The following TMED2 variants were observed in gnomAD, a reference collection of about 807,000 sequenced individuals.
The protein encoded by TMED2 is transmembrane p24 trafficking protein 2, also known as transmembrane emp24 domain-containing protein 2.
Under a neutral mutation model 17.5 loss-of-function variants are expected in TMED2, and 3 were observed. The observed-to-expected ratio is 0.17, with a 90% CI of 0.08 to 0.44. The LOEUF (loss-of-function observed/expected upper bound fraction) is 0.44. Ranked by LOEUF, TMED2 falls within the 20% of genes least tolerant of loss-of-function variation. TMED2 has a pLI of 0.99. For synonymous variants in TMED2, 95 were observed against 91.0 expected, an observed-to-expected ratio of 1.04 and a Z score of -0.25; for missense variants, 149 against 254.8, an observed-to-expected ratio of 0.58 and a Z score of 2.83.
rs1953402819 is a variant in TMED2 at position 123,592,784 on chromosome 12, T to C, written c.481+2335T>C. On this transcript the variant is annotated intron_variant, in intron 3 of 3. Coordinates refer to ENST00000262225, the MANE Select transcript of TMED2 (RefSeq NM_006815.4). ...AGGTCACTACATTCTGATGTTACTG[T>C]GCTTCAATGTGTTCTATTTAAACTT... is the stretch of plus-strand genomic sequence containing the variant. Among the ~76,000 whole-genome samples the C allele has an allele frequency of 2.0e-5, 3 of 152,330 alleles. No individual in the cohort carries two copies. The South Asian group carries it at 6.2e-4, about 32-fold the overall frequency.
At position 123,593,224 on chromosome 12, in the gene TMED2, G is replaced by A. The variant is rs532012250; in HGVS notation, c.481+2775G>A. ...ATTACAGGCCTGAGCCACTGTGTCT[G>A]GCCTATTTTCTTTTTACAGACTCTC... On this transcript the variant is annotated intron_variant, in intron 3 of 3. Coordinates refer to ENST00000262225, the MANE Select transcript of TMED2 (RefSeq NM_006815.4). 3.0e-4 allele frequency among the ~76,000 whole-genome samples: 46 copies of A among 151,600 alleles called. 2 individuals are homozygous for A. The South Asian group carries it at 8.3e-3, about 27-fold the overall frequency.
In TMED2 at chr12:123,586,785, C is replaced by T; in HGVS notation, c.219C>T (p.Asp73=). 6.2e-7 allele frequency: 1 copy of T among 1,608,378 alleles called. No homozygotes were observed. Among genetic ancestry groups the T allele is most frequent in the Non-Finnish European group, 8.5e-7 (1 of 1,177,574 alleles). ...GPDNKGIYKG[D]RESSGKYTFA... Reference sequence around the variant, plus strand: ...ATAACAAAGGAATTTACAAAGGAGACAGAGAATCCAGTGGGAAATACACAT... The same window carrying T: ...ATAACAAAGGAATTTACAAAGGAGATAGAGAATCCAGTGGGAAATACACAT... The change falls in exon 2 of 4, where the codon GAC becomes GAT. Residue 73 remains aspartate (D), a synonymous_variant. Coordinates refer to ENST00000262225, the MANE Select transcript of TMED2 (RefSeq NM_006815.4).
chr12:123,595,896 G>A (rs570508240), intron 3 of TMED2, among the ~76,000 whole-genome samples: 1 of 152,270 alleles, frequency 6.6e-6, no homozygotes, highest in East Asian at 1.9e-4. Flanking sequence ...AAATGGGCTG[G>A]TGCATACCTG....
intron 3 of TMED2, among the ~76,000 whole-genome samples, chr12:123,593,002 G>A (rs749044065): frequency 1.3e-5 from 2 of 152,118 alleles, no homozygotes; most frequent in African/African-American, 2.4e-5. Flanking sequence ...TCAGTAGTTC[G>A]AGACCAGCCT....
At chr12:123,590,911 A>C (rs1953387734) in intron 3 of TMED2, among the ~76,000 whole-genome samples, 1 of 151,064 alleles carries the variant, frequency 6.6e-6, no homozygotes, top group Non-Finnish European at 1.5e-5. Context: ...TTGAACCGGG[A>C]GGCAGAGGTT....
chr12:123,584,993 C>A (rs937013989), intron 1 of TMED2, 177 bp downstream of exon 1: 2 of 750,510 alleles, frequency 2.7e-6, no homozygotes, highest in Non-Finnish European at 4.2e-6. Flanking sequence ...CTCCTAACGG[C>A]CCCTTTTCCC....
chr12:123,584,613 C>A lies in TMED2; in HGVS notation c.-24C>A. 5 of 1,600,588 alleles carry A rather than the reference C, an allele frequency of 3.1e-6. No homozygotes were observed. Among genetic ancestry groups the A allele is most frequent in the Non-Finnish European group, 4.2e-6 (5 of 1,176,724 alleles). The stretch of plus-strand genomic sequence containing the variant: ...CGGCTGTGGAGGCCGCAGTCCGGGT[C>A]CTGGCTTCGGCCTCAGCCCCACCAT... On this transcript the variant is annotated 5_prime_UTR_variant, in exon 1 of 4. Coordinates refer to ENST00000262225, the MANE Select transcript of TMED2 (RefSeq NM_006815.4).
At chr12:123,591,143 T>A (rs1327816914) in intron 3 of TMED2, among the ~76,000 whole-genome samples, 3 of 152,188 alleles carry the variant, frequency 2.0e-5, no homozygotes, top group Non-Finnish European at 4.4e-5. Flanking sequence ...GGGATTAATA[T>A]TAGATGCTGA....
intron 2 of TMED2, among the ~76,000 whole-genome samples, chr12:123,589,861 C>T (rs929079559): frequency 1.3e-5 from 2 of 151,742 alleles, no homozygotes; most frequent in East Asian, 3.9e-4. Flanking sequence ...GGTAGTCAGG[C>T]ATAGTGACGC....
At chr12:123,594,812 A>T (rs535844385) in intron 3 of TMED2, among the ~76,000 whole-genome samples, 28 of 152,158 alleles carry the variant, frequency 1.8e-4, no homozygotes, top group African/African-American at 6.3e-4. Flanking sequence ...GCTTGAACCC[A>T]GGAGGTGGAG....
rs1953434245 is a variant in TMED2, at chr12:123,596,799, T to C, written c.*70T>C. 1 of 1,442,228 alleles carries C rather than the reference T, an allele frequency of 6.9e-7. No homozygotes were observed. Among genetic ancestry groups the C allele is most frequent in the Non-Finnish European group, 9.2e-7 (1 of 1,089,876 alleles). 89.3% of individuals were successfully genotyped at this position (1,442,228 alleles called of 1,614,324 possible). A position where few individuals can be genotyped will look rare whatever the true frequency, so the allele number is the denominator to read the frequency against. On this transcript the variant is annotated 3_prime_UTR_variant, in exon 4 of 4. Transcript: ENST00000262225. ...AAACACCTTGGTCATAATAATGTCATTAGTTTCTCCATTTTTATTTTCTGA... is the reference window on the plus strand; with the variant it reads ...AAACACCTTGGTCATAATAATGTCACTAGTTTCTCCATTTTTATTTTCTGA...
chr12:123,589,676 TG>T (rs1464706031), intron 2 of TMED2, among the ~76,000 whole-genome samples: 1 of 152,170 alleles, frequency 6.6e-6, no homozygotes, highest in East Asian at 1.9e-4. Flanking sequence ...TAGTCCAAAT[TG>T]ATGTTTGAAC....
intron 2 of TMED2, among the ~76,000 whole-genome samples, chr12:123,588,873 A>G (rs969192469): frequency 1.3e-5 from 2 of 152,166 alleles, no homozygotes; most frequent in Non-Finnish European, 1.5e-5. Context: ...CATGTGGTGC[A>G]TGGGGCTTCC....
chr12:123,593,252 G>C (rs767610159), intron 3 of TMED2, among the ~76,000 whole-genome samples: 9 of 147,894 alleles, frequency 6.1e-5, no homozygotes, highest in Non-Finnish European at 1.0e-4. Context: ...AGACTCTCTG[G>C]TTTTTGTTGT....
chr12:123,590,809 C>T (rs147168521), intron 3 of TMED2, among the ~76,000 whole-genome samples: 55 of 151,934 alleles, frequency 3.6e-4, no homozygotes, highest in Middle Eastern at 6.8e-3. Context: ...CATGGTGAAA[C>T]CTCGTCTCTA....
chr12:123,585,347 G>A (rs2135657379), intron 1 of TMED2, among the ~76,000 whole-genome samples: 1 of 152,306 alleles, frequency 6.6e-6, no homozygotes, highest in African/African-American at 2.4e-5. Context: ...GCAACCTTAA[G>A]GTTCTACTCT....
intron 3 of TMED2, among the ~76,000 whole-genome samples, chr12:123,595,945 C>T (rs947575896): frequency 3.9e-5 from 6 of 152,174 alleles, no homozygotes; most frequent in Non-Finnish European, 8.8e-5. Flanking sequence ...GGCAGGATTG[C>T]TTGAGTACAG....
intron 2 of TMED2, among the ~76,000 whole-genome samples, chr12:123,588,209 C>T (rs1205192493): frequency 6.6e-6 from 1 of 150,800 alleles, no homozygotes; most frequent in Non-Finnish European, 1.5e-5. Context: ...TTTTTTTTTC[C>T]CCACAGTGCA....
chr12:123,590,416 T>C lies in TMED2; in HGVS notation c.448T>C (p.Tyr150His). 1 of 1,608,472 alleles carries C rather than the reference T, an allele frequency of 6.2e-7. No individual in the cohort carries two copies. Among genetic ancestry groups the C allele is most frequent in the Non-Finnish European group, 8.5e-7 (1 of 1,176,580 alleles). The change falls in exon 3 of 4, where the codon TAC becomes CAC. Residue 150 changes from tyrosine to histidine, a missense_variant. Tyr to His is a moderately conservative substitution (Grantham distance 83). Transcript: ENST00000262225. ...GACAGCTGTAAAGCACGAACAGGAA[T>C]ACATGGAAGTCCGGGAGAGAATACA... ...AMTAVKHEQEYMEVRERIHRA... is the reference protein window; with the variant it reads ...AMTAVKHEQEHMEVRERIHRA...
Sources: allele counts gnomAD v4.1 joint callset (sites outside exome capture counted in the v4.1 genomes callset), GRCh38; gene constraint gnomAD v4.1.1; transcripts MANE v1.5; gene names NCBI Gene and HGNC (gene_info 2026-07-23, HGNC 2026-07-21).